The following LYG2 variants were observed in gnomAD, a reference collection of about 807,000 sequenced individuals.
LYG2 encodes lysozyme g-like protein 2.
In LYG2, 25 loss-of-function variants were observed where a neutral mutation model predicts 22.4. That is an observed-to-expected ratio of 1.12 (90% CI 0.81 to 1.56). The LOEUF is 1.56. Ranked by LOEUF, LYG2 falls within the 40% of genes most tolerant of loss-of-function variation. The probability of loss-of-function intolerance (pLI) is 0.00; values close to 1 mark genes in which losing one functional copy is unlikely to be tolerated. For missense variants in LYG2, 266 were observed against 269.5 expected (o/e 0.99, Z 0.09); for synonymous variants, 88 against 97.0 (o/e 0.91, Z 0.55).
chr2:99,242,547 T>C (rs1272775940), intron 6 of LYG2, 65 bp from the exon 7 acceptor site: 1 of 1,088,878 alleles, frequency 9.2e-7, no homozygotes, highest in Admixed American at 2.0e-5. Flanking sequence ...CAATGAGCAT[T>C]GCCAAGATGT....
chr2:99,244,092 C>G lies in LYG2; in HGVS notation c.427G>C (p.Glu143Gln). The change falls in exon 6 of 7, where the codon GAG (glutamate) becomes CAG (glutamine). Residue 143 changes from glutamate (E) to glutamine (Q), a missense_variant. Coordinates refer to ENST00000333017, the MANE Select transcript of LYG2 (RefSeq NM_175735.4). ...YHPVGAWDSK[E>Q]HLSQATGILT... The stretch of plus-strand genomic sequence containing the variant: ...ATCCCAGTAGCCTGTGAAAGGTGCT[C>G]TTTGCTATCCCAGGCACCGACAGGG... 6.2e-7 allele frequency: 1 copy of G among 1,614,004 alleles called. No homozygotes were observed. The highest frequency in any genetic ancestry group is 8.5e-7 in the Non-Finnish European group (1 of 1,179,990).
intron 3 of LYG2, among the ~76,000 whole-genome samples, chr2:99,249,359 G>A (rs555138281): frequency 6.6e-6 from 1 of 151,868 alleles, no homozygotes; most frequent in Non-Finnish European, 1.5e-5. Context: ...GGTCGAGGCT[G>A]CAGTGAGCTT....
rs2094031896 is a variant in LYG2, at chr2:99,254,205, G to C, written c.43+13C>G. On this transcript the variant is annotated intron_variant, in intron 3 of 6. Transcript: ENST00000333017. ...ACCCTGTGAACAATGCTAAATCTCA[G>C]CCAGTGACTTACCAATGAGGGCAAT... The C allele has an allele frequency of 6.2e-7, 1 of 1,612,714 alleles. No individual in the cohort carries two copies. The highest frequency in any genetic ancestry group is 1.7e-5 in the Admixed American group (1 of 60,018).
intron 3 of LYG2, among the ~76,000 whole-genome samples, chr2:99,253,610 C>T (rs1299351074): frequency 1.3e-5 from 2 of 152,066 alleles, no homozygotes; most frequent in Non-Finnish European, 1.5e-5. Context: ...CCAGCCTTCC[C>T]CCCAGAAACC....
At chr2:99,246,582 A>G in intron 4 of LYG2, 98 bp downstream of exon 4, 1 of 1,369,770 alleles carries the variant, frequency 7.3e-7, no homozygotes, top group Non-Finnish European at 1.0e-6. Flanking sequence ...TATTGTCATA[A>G]TGATGATTAT....
At chr2:99,259,722 A>G (rs1481321690), upstream of LYG2, among the ~76,000 whole-genome samples, 2 of 152,164 alleles carry the variant, frequency 1.3e-5, no homozygotes, top group Non-Finnish European at 2.9e-5. Flanking sequence ...CATTAGTATT[A>G]TACAATACTG....
rs779476584 is a variant in LYG2, at chr2:99,250,949, C to T, written c.43+3269G>A. On this transcript the variant is annotated intron_variant, in intron 3 of 6. Transcript: ENST00000333017. Reference sequence around the variant, plus strand: ...GACCTGTATATACTCCTGTAAAATTCTCTCCAGGGACAAAATAGTATTTAT... The same window carrying T: ...GACCTGTATATACTCCTGTAAAATTTTCTCCAGGGACAAAATAGTATTTAT... Among the ~76,000 whole-genome samples, 72 of 152,236 alleles carry T rather than the reference C, an allele frequency of 4.7e-4. 1 individual carries two copies. Among genetic ancestry groups the T allele is most frequent in the Non-Finnish European group, 5.4e-4 (37 of 68,046 alleles).
At chr2:99,251,736 G>A (rs1300617724) in intron 3 of LYG2, among the ~76,000 whole-genome samples, 2 of 151,966 alleles carry the variant, frequency 1.3e-5, no homozygotes, top group African/African-American at 4.8e-5. Flanking sequence ...GCGCTCCTCA[G>A]AATAATGGCT....
At position 99,242,479 on chromosome 2, in the gene LYG2, C is replaced by A. The variant is rs760058744; in HGVS notation, c.524G>T (p.Gly175Val). Residue 175 changes from glycine (G) to valine (V), a missense_variant, in exon 7 of 7, where the codon GGT becomes GTT. Physicochemically the swap from Gly to Val is moderately radical, Grantham distance 109 (BLOSUM62 -3). Transcript: ENST00000333017. ...TWSVAQHLKG[G>V]LSAFKSGIEA... is the part of the protein sequence containing the mutation. ...AATTCCTGACTTAAAAGCTGAGAGA[C>A]CACCTGAAATGAAACACAGAGAATT... 6.3e-7 allele frequency: 1 copy of A among 1,597,374 alleles called. No homozygotes were observed. Among genetic ancestry groups the A allele is most frequent in the Non-Finnish European group, 8.6e-7 (1 of 1,166,480 alleles).
upstream of LYG2, among the ~76,000 whole-genome samples, chr2:99,259,257 C>T (rs2094042884): frequency 6.6e-6 from 1 of 151,374 alleles, no homozygotes; most frequent in Non-Finnish European, 1.5e-5. Flanking sequence ...TGAGAATCTT[C>T]ACAGATTGTA....
rs529180153 is a variant in LYG2, at chr2:99,242,945, A to G, written c.521-463T>C. 1.1e-4 allele frequency among the ~76,000 whole-genome samples: 17 copies of G among 152,334 alleles called. 1 individual carries two copies. In the South Asian group the frequency reaches 3.5e-3, roughly 32 times the overall value. On this transcript the variant is annotated intron_variant, in intron 6 of 6. Coordinates refer to ENST00000333017, the MANE Select transcript of LYG2 (RefSeq NM_175735.4). ...CTTATTTCTTTGGGTATGTGTACAT[A>G]TGCATGTGTGTGCTATTTTACCCTA...
upstream of LYG2, among the ~76,000 whole-genome samples, chr2:99,256,370 G>C (rs1265997955): frequency 1.3e-5 from 2 of 152,118 alleles, no homozygotes; most frequent in Admixed American, 1.3e-4. Flanking sequence ...TGGAGGGTCT[G>C]CTCCACCACC....
intron 5 of LYG2, among the ~76,000 whole-genome samples, chr2:99,244,968 T>C (rs2094013042): frequency 6.6e-6 from 1 of 151,812 alleles, no homozygotes; most frequent in Non-Finnish European, 1.5e-5. Flanking sequence ...AAAAATTAGC[T>C]GGGCATGGTG....
At chr2:99,253,749 A>C (rs1315098179) in intron 3 of LYG2, among the ~76,000 whole-genome samples, 4 of 152,106 alleles carry the variant, frequency 2.6e-5, no homozygotes, top group African/African-American at 9.7e-5. Context: ...AGCATCCTTC[A>C]ATTGACATGT....
chr2:99,250,373 CT>C (rs531807991), intron 3 of LYG2, among the ~76,000 whole-genome samples: 178 of 130,364 alleles, frequency 1.4e-3, no homozygotes, highest in East Asian at 5.5e-3. Flanking sequence ...TTTTCCAACT[CT>C]TTTTTTTTTT....
intron 3 of LYG2, among the ~76,000 whole-genome samples, chr2:99,247,663 A>C (rs954082879): frequency 6.6e-6 from 1 of 152,162 alleles, no homozygotes; most frequent in African/African-American, 2.4e-5. Context: ...CATTTCTGAC[A>C]CAAATGCCTC....
intron 6 of LYG2, chr2:99,243,532 AGATAGAT>A: frequency 3.9e-6 from 6 of 1,523,984 alleles, no homozygotes; most frequent in African/African-American, 1.4e-5. Context: ...ATAGATAGAT[AGATAGAT>A]AAATTTTTTT....
intron 5 of LYG2, 36 bp downstream of exon 5, chr2:99,245,226 T>G (rs766468348): frequency 6.5e-7 from 1 of 1,529,678 alleles, no homozygotes; most frequent in Non-Finnish European, 8.8e-7. Context: ...TGAGGAGGGA[T>G]GCAGTGGGGC....
chr2:99,244,824 G>A (rs1475287146), intron 5 of LYG2, among the ~76,000 whole-genome samples: 2 of 152,042 alleles, frequency 1.3e-5, no homozygotes, highest in African/African-American at 2.4e-5. Flanking sequence ...AAATTATGCT[G>A]GAGTGGCCGG....
Sources: gnomAD v4.1 joint callset for allele counts (sites outside exome capture counted in the v4.1 genomes callset) on GRCh38, gnomAD v4.1.1 for gene constraint, MANE v1.5 for transcripts, NCBI Gene and HGNC (gene_info 2026-07-23, HGNC 2026-07-21) for gene names.